Variants in RIOK3 observed in about 807,000 individuals in gnomAD.
The protein encoded by RIOK3 is serine/threonine-protein kinase RIO3.
Under a neutral mutation model 63.5 loss-of-function variants are expected in RIOK3, and 40 were observed. The ratio of observed to expected loss-of-function variants is 0.63; its 90% CI spans 0.49 to 0.82. RIOK3 has a LOEUF of 0.82. Ranked by LOEUF, RIOK3 falls within the 40% of genes least tolerant of loss-of-function variation. The pLI, the probability that RIOK3 is intolerant of heterozygous loss-of-function variation, is 0.00. For synonymous variants in RIOK3, 193 were observed against 205.0 expected (o/e 0.94, Z 0.50); for missense variants, 557 against 637.0 (o/e 0.87, Z 1.35).
rs1555621687 is a variant in RIOK3, at chr18:23,480,590, CAT to C, written c.1453-580_1453-579del. Among the ~76,000 whole-genome samples, 581 of 148,296 alleles carry C rather than the reference CAT, an allele frequency of 3.9e-3. 8 individuals carry two copies. The highest frequency in any genetic ancestry group is 6.4e-3 in the Non-Finnish European group (425 of 66,470). On this transcript the variant is annotated intron_variant, in intron 12 of 12. Transcript: ENST00000339486. ...ACACACACACACACACACACACACACATAGTAATTTCAACTCAAAGGCAGAAT... is the reference window on the plus strand; with the variant it reads ...ACACACACACACACACACACACACACAGTAATTTCAACTCAAAGGCAGAAT...
chr18:23,480,471 G>T (rs982685063), intron 12 of RIOK3, among the ~76,000 whole-genome samples: 1 of 151,512 alleles, frequency 6.6e-6, no homozygotes. Context: ...TTGCTAGCTG[G>T]ATAAAGATAG....
chr18:23,453,515 CGAGACTGGAGT>C lies in RIOK3; in HGVS notation c.63+14_63+24del, dbSNP rs1568377711. ...GGGACCCAGCAAGGTAAGTGGCAGA[CGAGACTGGAGT>C]ACTAGCCTTGGTCACACGGGCTGGA... is the stretch of plus-strand genomic sequence containing the variant. On this transcript the variant is annotated intron_variant, in intron 1 of 12. Transcript: ENST00000339486. 3.1e-6 allele frequency: 5 copies of C among 1,604,830 alleles called. No individual in the cohort carries two copies. The highest frequency in any genetic ancestry group is 4.3e-6 in the Non-Finnish European group (5 of 1,171,822).
intron 1 of RIOK3, among the ~76,000 whole-genome samples, chr18:23,453,884 A>G (rs191675711): frequency 2.9e-3 from 439 of 152,344 alleles, no homozygotes; most frequent in Non-Finnish European, 4.2e-3. Context: ...CCAGACAGAA[A>G]GTTGGTTTAG....
At chr18:23,472,097 G>T (rs1406746837) in intron 7 of RIOK3, among the ~76,000 whole-genome samples, 1 of 152,098 alleles carries the variant, frequency 6.6e-6, no homozygotes, top group Admixed American at 6.6e-5. Context: ...GCCGGGCGTG[G>T]TGGCATGCAC....
intron 6 of RIOK3, among the ~76,000 whole-genome samples, chr18:23,466,716 A>G (rs2057411014): frequency 6.8e-6 from 1 of 147,170 alleles, no homozygotes; most frequent in Non-Finnish European, 1.5e-5. Context: ...AAAAAAATGT[A>G]AATAAGCCAG....
chr18:23,454,485 G>A (rs937291181), intron 1 of RIOK3, among the ~76,000 whole-genome samples: 1 of 152,202 alleles, frequency 6.6e-6, no homozygotes, highest in East Asian at 1.9e-4. Context: ...ATGTTATTTT[G>A]TGTATTTTTC....
chr18:23,481,388 T>G lies in RIOK3; in HGVS notation c.*109T>G, dbSNP rs575399734. 306 of 639,278 alleles carry G rather than the reference T, an allele frequency of 4.8e-4. No homozygotes were observed. In the South Asian group the frequency reaches 4.9e-3, roughly 10 times the overall value. The allele number at this position is 639,278 out of a possible 1,614,324, so 39.6% of individuals were successfully genotyped here. A position where few individuals can be genotyped will look rare whatever the true frequency, so the allele number is the denominator to read the frequency against. Reference sequence around the variant, plus strand: ...CCAAAACCTGAGGAGTGGGCAATGGTGCTTCTGTGCTTTTCCCCCTTGTAA... The same window carrying G: ...CCAAAACCTGAGGAGTGGGCAATGGGGCTTCTGTGCTTTTCCCCCTTGTAA... On this transcript the variant is annotated 3_prime_UTR_variant, in exon 13 of 13. Coordinates refer to ENST00000339486, the MANE Select transcript of RIOK3 (RefSeq NM_003831.5).
chr18:23,479,911 C>T (rs1434795932), intron 12 of RIOK3, among the ~76,000 whole-genome samples: 1 of 152,048 alleles, frequency 6.6e-6, no homozygotes, highest in Non-Finnish European at 1.5e-5. Context: ...AGAATACACA[C>T]ACAGCAAAAC....
chr18:23,466,298 T>C, intron 6 of RIOK3, 22 bp downstream of exon 6: 1 of 1,530,572 alleles, frequency 6.5e-7, no homozygotes, highest in Non-Finnish European at 8.8e-7. Context: ...TAGATTTTTT[T>C]TTTTCTTTTT....
intron 4 of RIOK3, 43 bp downstream of exon 4, chr18:23,464,356 T>C (rs2057392213): frequency 7.3e-7 from 1 of 1,364,594 alleles, no homozygotes; most frequent in Non-Finnish European, 1.0e-6. Context: ...AATAGAGGTA[T>C]AGGAAGACTA....
At position 23,453,364 on chromosome 18, in the gene RIOK3, G is replaced by T; in HGVS notation, c.-76G>T. On this transcript the variant is annotated 5_prime_UTR_variant, in exon 1 of 13. Coordinates refer to ENST00000339486, the MANE Select transcript of RIOK3 (RefSeq NM_003831.5). ...ATCAGCAGCCAGTCGCCCGTGTCCCGCCTGTCTCCTCGGCGGAGCCTGCTG... is the reference window on the plus strand; with the variant it reads ...ATCAGCAGCCAGTCGCCCGTGTCCCTCCTGTCTCCTCGGCGGAGCCTGCTG... 2 of 1,243,050 alleles carry T rather than the reference G, an allele frequency of 1.6e-6. No individual in the cohort carries two copies. The highest frequency in any genetic ancestry group is 2.4e-5 in the South Asian group (2 of 83,492). 77.0% of individuals were successfully genotyped at this position (1,243,050 alleles called of 1,614,324 possible).
intron 5 of RIOK3, among the ~76,000 whole-genome samples, chr18:23,464,907 A>G (rs938943970): frequency 6.6e-6 from 1 of 152,194 alleles, no homozygotes; most frequent in African/African-American, 2.4e-5. Context: ...ATTCTTCATC[A>G]TATCTCTATA....
chr18:23,473,138 T>G (rs751605172), intron 7 of RIOK3, among the ~76,000 whole-genome samples: 2 of 152,208 alleles, frequency 1.3e-5, no homozygotes, highest in Non-Finnish European at 2.9e-5. Context: ...TATTTTCAAG[T>G]GCATATGTCT....
intron 1 of RIOK3, among the ~76,000 whole-genome samples, chr18:23,454,067 G>T (rs1489694538): frequency 6.6e-6 from 1 of 152,176 alleles, no homozygotes; most frequent in Non-Finnish European, 1.5e-5. Context: ...AAGCTTTGAC[G>T]TTTAAACTTT....
chr18:23,455,437 G>A (rs1429901814), intron 1 of RIOK3, among the ~76,000 whole-genome samples: 2 of 149,762 alleles, frequency 1.3e-5, no homozygotes, highest in East Asian at 3.9e-4. Context: ...TTGTTGCCCA[G>A]GCTGTAGTGC....
At position 23,468,389 on chromosome 18, in the gene RIOK3, A is replaced by G. The variant is rs146401669; in HGVS notation, c.815+863A>G. ...GCAATCTCAGCTCACTGCAACCTCCATCTCCTGAGTTCAAGCGATTCTCCT... is the reference window on the plus strand; with the variant it reads ...GCAATCTCAGCTCACTGCAACCTCCGTCTCCTGAGTTCAAGCGATTCTCCT... On this transcript the variant is annotated intron_variant, in intron 7 of 12. Coordinates refer to ENST00000339486, the MANE Select transcript of RIOK3 (RefSeq NM_003831.5). Among the ~76,000 whole-genome samples the G allele has an allele frequency of 1.4e-3, 178 of 131,270 alleles. 1 individual carries two copies. The highest frequency in any genetic ancestry group is 4.3e-3 in the African/African-American group (144 of 33,586). The allele number at this position is 131,270 out of a possible 152,430, so 86.1% of individuals were successfully genotyped here. A position where few individuals can be genotyped will look rare whatever the true frequency, so the allele number is the denominator to read the frequency against.
At chr18:23,466,582 C>T (rs1295182338) in intron 6 of RIOK3, among the ~76,000 whole-genome samples, 3 of 150,408 alleles carry the variant, frequency 2.0e-5, no homozygotes, top group African/African-American at 7.3e-5. Flanking sequence ...CCCAGCTACC[C>T]GGGGGGCTGA....
intron 6 of RIOK3, among the ~76,000 whole-genome samples, chr18:23,466,962 A>C (rs1249718388): frequency 6.6e-6 from 1 of 151,514 alleles, no homozygotes; most frequent in Non-Finnish European, 1.5e-5. Context: ...TAATCATGTC[A>C]CTGCATTCCA....
chr18:23,464,156 C>T, intron 3 of RIOK3, 44 bp downstream of exon 3: 2 of 1,606,228 alleles, frequency 1.2e-6, no homozygotes, highest in Non-Finnish European at 1.7e-6. Context: ...TGGTAGAAAA[C>T]ACTCATAATG....
Sources: gnomAD v4.1 joint callset for allele counts (sites outside exome capture counted in the v4.1 genomes callset) on GRCh38, gnomAD v4.1.1 for gene constraint, MANE v1.5 for transcripts, NCBI Gene and HGNC (gene_info 2026-07-23, HGNC 2026-07-21) for gene names.